Variants in NAV3 observed in about 807,000 individuals in gnomAD.
NAV3 encodes pore membrane and/or filament interacting like protein 1.
Under a neutral mutation model 244.7 loss-of-function variants are expected in NAV3, and 87 were observed. The ratio of observed to expected loss-of-function variants is 0.36; its 90% CI spans 0.30 to 0.42. The LOEUF (loss-of-function observed/expected upper bound fraction) is 0.42, where lower values mean the gene tolerates loss of function less well. Among genes scored for constraint, NAV3 ranks in the 20% least tolerant of loss-of-function variants. The pLI is 1.00. For synonymous variants in NAV3, 1,126 were observed against 1,042.2 expected (o/e 1.08, Z -1.55); for missense variants, 2,663 against 2,893.3 (o/e 0.92, Z 1.83).
intron 2 of NAV3, among the ~76,000 whole-genome samples, chr12:77,657,602 T>C (rs1873184271): frequency 6.6e-6 from 1 of 152,200 alleles, no homozygotes; most frequent in Non-Finnish European, 1.5e-5. Context: ...CCCTAACTCA[T>C]TTTATGAGGC....
intron 36 of NAV3, chr12:78,199,103 C>G: frequency 1.6e-6 from 1 of 610,476 alleles, no homozygotes; most frequent in Non-Finnish European, 3.1e-6. Context: ...TCACTTCTGA[C>G]GCACATGAGC....
intron 3 of NAV3, among the ~76,000 whole-genome samples, chr12:77,943,755 G>A (rs951927777): frequency 5.3e-5 from 8 of 152,140 alleles, no homozygotes; most frequent in African/African-American, 1.9e-4. Context: ...ACCTCTTTTT[G>A]TATACCTGGT....
At chr12:77,817,308 C>A (rs964616197) in intron 2 of NAV3, among the ~76,000 whole-genome samples, 7 of 152,192 alleles carry the variant, frequency 4.6e-5, no homozygotes, top group Non-Finnish European at 8.8e-5. Context: ...CTGTAAGATT[C>A]ACTTGTAATT....
intron 12 of NAV3, among the ~76,000 whole-genome samples, chr12:78,074,050 A>G (rs1369908045): frequency 1.3e-5 from 2 of 152,206 alleles, no homozygotes; most frequent in Admixed American, 6.5e-5. Context: ...CCAGAATGCA[A>G]AAGGAAATAA....
At chr12:77,836,671 T>G (rs956977822) in intron 1 of NAV3, among the ~76,000 whole-genome samples, 3 of 152,238 alleles carry the variant, frequency 2.0e-5, no homozygotes, top group Non-Finnish European at 4.4e-5. Flanking sequence ...TTATTTATAC[T>G]TTCTCTTAAT....
chr12:77,636,160 C>A (rs182997979), intron 2 of NAV3, among the ~76,000 whole-genome samples: 1 of 151,966 alleles, frequency 6.6e-6, no homozygotes, highest in Non-Finnish European at 1.5e-5. Flanking sequence ...GTTAGAATGG[C>A]GATCATTAAA....
intron 1 of NAV3, among the ~76,000 whole-genome samples, chr12:77,891,758 G>A (rs1200340625): frequency 1.3e-5 from 2 of 152,198 alleles, no homozygotes; most frequent in African/African-American, 4.8e-5. Flanking sequence ...CGGCTTTAAA[G>A]TCTTGCTTTC....
intron 2 of NAV3, among the ~76,000 whole-genome samples, chr12:77,616,995 A>C (rs1471667636): frequency 2.6e-5 from 4 of 152,220 alleles, no homozygotes; most frequent in African/African-American, 7.2e-5. Flanking sequence ...TAGCATTGAC[A>C]TGATACTAAA....
intron 12 of NAV3, among the ~76,000 whole-genome samples, chr12:78,107,131 A>G (rs774015488): frequency 3.9e-5 from 6 of 152,240 alleles, no homozygotes; most frequent in Non-Finnish European, 5.9e-5. Context: ...TAAAGCTTCA[A>G]CAATATCCTA....
chr12:77,825,806 C>A (rs917530527), intron 2 of NAV3, among the ~76,000 whole-genome samples: 1 of 151,800 alleles, frequency 6.6e-6, no homozygotes, highest in Admixed American at 6.6e-5. Flanking sequence ...GGACCTATAC[C>A]GAAATATATA....
At chr12:77,903,306 A>G (rs933952425) in intron 1 of NAV3, among the ~76,000 whole-genome samples, 16 of 152,172 alleles carry the variant, frequency 1.1e-4, no homozygotes, top group African/African-American at 3.1e-4. Flanking sequence ...ATATAGACCA[A>G]TGGAACAGAA....
At chr12:77,603,845 T>C (rs1055813476) in intron 2 of NAV3, among the ~76,000 whole-genome samples, 1 of 152,060 alleles carries the variant, frequency 6.6e-6, no homozygotes, top group Non-Finnish European at 1.5e-5. Flanking sequence ...CAAAGGGAGA[T>C]GCTTAAGTTA....
At chr12:77,811,091 TATAAGA>T (rs1478780003) in intron 2 of NAV3, among the ~76,000 whole-genome samples, 1 of 152,252 alleles carries the variant, frequency 6.6e-6, no homozygotes, top group Non-Finnish European at 1.5e-5. Context: ...TTGTTAAAAC[TATAAGA>T]ATAAAAGCTA....
At chr12:78,046,559 C>G (rs529062558) in intron 9 of NAV3, among the ~76,000 whole-genome samples, 1 of 152,268 alleles carries the variant, frequency 6.6e-6, no homozygotes, top group Admixed American at 6.5e-5. Context: ...GTTTCTTAAC[C>G]CTAAGTTCTA....
chr12:78,197,198 T>C, intron 34 of NAV3, 49 bp from the exon 35 acceptor site: 1 of 1,379,098 alleles, frequency 7.3e-7, no homozygotes, highest in Non-Finnish European at 9.6e-7. Context: ...CTGCTTCCTA[T>C]TAGTATAAAT....
intron 2 of NAV3, among the ~76,000 whole-genome samples, chr12:77,807,571 G>T (rs1872047782): frequency 6.6e-6 from 1 of 152,196 alleles, no homozygotes; most frequent in African/African-American, 2.4e-5. Context: ...GCTTCCCTTT[G>T]TGGGTAACCC....
intron 2 of NAV3, among the ~76,000 whole-genome samples, chr12:77,745,861 G>C (rs1868511414): frequency 6.6e-6 from 1 of 151,862 alleles, no homozygotes; most frequent in Admixed American, 6.6e-5. Context: ...TGGAATAACA[G>C]TGAACTCTCA....
intron 1 of NAV3, among the ~76,000 whole-genome samples, chr12:77,870,548 T>C (rs978673152): frequency 2.0e-5 from 3 of 152,138 alleles, no homozygotes; most frequent in African/African-American, 7.2e-5. Flanking sequence ...AGAGAAATAC[T>C]GGGGTTAAAA....
chr12:77,829,510 C>T (rs1873373245), upstream of NAV3, among the ~76,000 whole-genome samples: 1 of 152,156 alleles, frequency 6.6e-6, no homozygotes, highest in Non-Finnish European at 1.5e-5. Context: ...AACTAAACCT[C>T]ATTTTACGAA....
Sources: allele counts gnomAD v4.1 joint callset (sites outside exome capture counted in the v4.1 genomes callset), GRCh38; gene constraint gnomAD v4.1.1; transcripts MANE v1.5; gene names NCBI Gene and HGNC (gene_info 2026-07-23, HGNC 2026-07-21).